PDZD2: variants seen among roughly 807,000 people sequenced by gnomAD.
PDZD2 encodes PDZ domain-containing protein 2.
PDZD2 carries 90 observed loss-of-function variants against 220.7 expected under a neutral mutation model. The observed-to-expected ratio is 0.41, with a 90% CI of 0.34 to 0.49. The LOEUF is 0.49. Ranked by LOEUF, PDZD2 falls within the 20% of genes least tolerant of loss-of-function variation. The pLI is 0.28. For synonymous variants in PDZD2, 1,375 were observed against 1,450.5 expected (o/e 0.95, Z 1.18); for missense variants, 3,174 against 3,608.5 (o/e 0.88, Z 3.08).
At chr5:31,791,646 C>A in intron 1 of PDZD2, among the ~76,000 whole-genome samples, 1 of 141,316 alleles carries the variant, frequency 7.1e-6, no homozygotes, top group South Asian at 2.5e-4. Context: ...TACCAATATT[C>A]TAAATTTTTC....
At chr5:32,079,257 TCAAAAAAAAAA>T (rs1198621673) in intron 19 of PDZD2, among the ~76,000 whole-genome samples, 2,140 of 87,542 alleles carry the variant, frequency 0.024, 66 homozygotes, top group African/African-American at 0.089. Flanking sequence ...AGACTCTGTC[TCAAAAAAAAAA>T]CAAAAAAAAA....
chr5:31,817,654 C>CATCT (rs137984270), intron 2 of PDZD2, among the ~76,000 whole-genome samples: 6 of 152,000 alleles, frequency 3.9e-5, no homozygotes, highest in Non-Finnish European at 4.4e-5. Context: ...TATATTTATC[C>CATCT]ATCTATCTAT....
chr5:31,689,353 A>ATATATTTTTTTTTTTT, intron 1 of PDZD2, among the ~76,000 whole-genome samples: 2 of 35,122 alleles, frequency 5.7e-5, no homozygotes, highest in Non-Finnish European at 8.4e-5. Context: ...ATATATATAT[A>ATATATTTTTTTTTTTT]TTTTTTTTTT....
intron 2 of PDZD2, among the ~76,000 whole-genome samples, chr5:31,802,987 G>C (rs1019136037): frequency 4.0e-5 from 6 of 150,488 alleles, no homozygotes; most frequent in Non-Finnish European, 8.8e-5. Context: ...CAGATCTGTA[G>C]AAACAGGAGG....
intron 2 of PDZD2, among the ~76,000 whole-genome samples, chr5:31,862,681 C>G (rs1466023947): frequency 2.0e-5 from 3 of 151,822 alleles, no homozygotes; most frequent in African/African-American, 7.3e-5. Flanking sequence ...CTACCTCAGC[C>G]TCCATAGTAG....
chr5:31,903,669 AAAAAAG>A (rs1423020850), intron 2 of PDZD2, among the ~76,000 whole-genome samples: 2 of 150,824 alleles, frequency 1.3e-5, no homozygotes, highest in East Asian at 1.9e-4. Context: ...AAAAAGAAAG[AAAAAAG>A]AAAAAGAAAG....
intron 24 of PDZD2, 30 bp from the exon 25 acceptor site, chr5:32,107,939 C>T (rs376798599): frequency 7.4e-4 from 1,140 of 1,535,710 alleles, no homozygotes; most frequent in Non-Finnish European, 9.6e-4. Context: ...AACTGCCAAG[C>T]TATTAATTAT....
chr5:31,710,971 A>C lies in PDZD2; in HGVS notation c.-361+71534A>C, dbSNP rs75886862. Among the ~76,000 whole-genome samples the C allele has an allele frequency of 1.6e-3, 251 of 152,296 alleles. 1 individual carries two copies. The highest frequency in any genetic ancestry group is 2.9e-3 in the South Asian group (14 of 4,820). On this transcript the variant is annotated intron_variant, in intron 1 of 24. Transcript: ENST00000438447. ...TAAAACGTACATGTTGTAAAAAGAAAAAAGACACACACAAAAAAGTATATG... is the reference window on the plus strand; with the variant it reads ...TAAAACGTACATGTTGTAAAAAGAACAAAGACACACACAAAAAAGTATATG...
At chr5:31,888,707 G>C (rs1259699475) in intron 2 of PDZD2, among the ~76,000 whole-genome samples, 2 of 152,156 alleles carry the variant, frequency 1.3e-5, no homozygotes, top group African/African-American at 2.4e-5. Context: ...AACTGTTGAG[G>C]ATGTAGTTTT....
At chr5:32,070,092 T>A (rs1740611459) in intron 15 of PDZD2, among the ~76,000 whole-genome samples, 1 of 152,120 alleles carries the variant, frequency 6.6e-6, no homozygotes, top group African/African-American at 2.4e-5. Context: ...TTCGCTCAAG[T>A]GGAAAACTTC....
intron 1 of PDZD2, among the ~76,000 whole-genome samples, chr5:31,654,131 T>C (rs1374003642): frequency 1.3e-5 from 2 of 152,130 alleles, no homozygotes; most frequent in African/African-American, 4.8e-5. Context: ...CATAGAGAAG[T>C]GGTTCTCCAC....
In PDZD2 at chr5:31,749,724, G is replaced by A. The variant is rs557358700; in HGVS notation, c.-360-49165G>A. Among the ~76,000 whole-genome samples the A allele has an allele frequency of 2.6e-5, 4 of 152,228 alleles. No individual in the cohort carries two copies. In the East Asian group the frequency reaches 5.8e-4, roughly 22 times the overall value. ...GGCATGAGCCTCCGCACCCGGCTGTGACGGTGTGATTGTACTGTCTTCACC... is the reference window on the plus strand; with the variant it reads ...GGCATGAGCCTCCGCACCCGGCTGTAACGGTGTGATTGTACTGTCTTCACC... On this transcript the variant is annotated intron_variant, in intron 1 of 24. Transcript: ENST00000438447.
At chr5:32,035,926 CTTTGT>C (rs897811316) in intron 6 of PDZD2, among the ~76,000 whole-genome samples, 2 of 152,054 alleles carry the variant, frequency 1.3e-5, no homozygotes, top group East Asian at 1.9e-4. Flanking sequence ...CATCATCAAC[CTTTGT>C]TTTGTTTTGT....
At chr5:32,067,532 A>G (rs1319922697) in intron 14 of PDZD2, among the ~76,000 whole-genome samples, 2 of 152,210 alleles carry the variant, frequency 1.3e-5, no homozygotes, top group Non-Finnish European at 2.9e-5. Context: ...AAAGGCCACA[A>G]TGTCATCATA....
intron 2 of PDZD2, among the ~76,000 whole-genome samples, chr5:31,860,746 T>TATGC (rs1737624962): frequency 6.6e-6 from 1 of 152,208 alleles, no homozygotes; most frequent in Admixed American, 6.5e-5. Context: ...ATTGGATCAT[T>TATGC]ATGCTGCTGC....
At chr5:31,997,717 T>G (rs1303482335) in intron 4 of PDZD2, among the ~76,000 whole-genome samples, 1 of 152,230 alleles carries the variant, frequency 6.6e-6, no homozygotes, top group Non-Finnish European at 1.5e-5. Context: ...ATTTCATTCT[T>G]AGCCTGGAGT....
At chr5:31,825,472 A>G (rs1296655028) in intron 2 of PDZD2, among the ~76,000 whole-genome samples, 1 of 152,188 alleles carries the variant, frequency 6.6e-6, no homozygotes, top group South Asian at 2.1e-4. Flanking sequence ...CCATGTCCTC[A>G]TAAGTGTCCT....
At chr5:31,643,414 C>G (rs530111156) in intron 1 of PDZD2, among the ~76,000 whole-genome samples, 1 of 152,196 alleles carries the variant, frequency 6.6e-6, no homozygotes, top group East Asian at 1.9e-4. Context: ...TGCAAAGATC[C>G]AGTTACCAGG....
intron 2 of PDZD2, among the ~76,000 whole-genome samples, chr5:31,926,299 C>T (rs559019185): frequency 2.0e-5 from 3 of 151,344 alleles, no homozygotes; most frequent in South Asian, 2.1e-4. Flanking sequence ...AAGGCTGAGG[C>T]GGGCGGATCA....
Sources: gnomAD v4.1 joint callset for allele counts (sites outside exome capture counted in the v4.1 genomes callset) on GRCh38, gnomAD v4.1.1 for gene constraint, MANE v1.5 for transcripts, NCBI Gene and HGNC (gene_info 2026-07-23, HGNC 2026-07-21) for gene names.